The following TDRD5 variants were observed in gnomAD, a reference collection of about 807,000 sequenced individuals.
The protein encoded by TDRD5 is tudor domain-containing protein 5.
TDRD5 carries 41 observed loss-of-function variants against 120.6 expected under a neutral mutation model. The observed-to-expected ratio is 0.34, with a 90% CI of 0.26 to 0.44. The LOEUF is 0.44. Among genes scored for constraint, TDRD5 ranks in the 20% least tolerant of loss-of-function variants. The probability of loss-of-function intolerance (pLI) is 1.00; values close to 1 mark genes in which losing one functional copy is unlikely to be tolerated. For synonymous variants in TDRD5, 430 were observed against 433.7 expected (o/e 0.99, Z 0.11); for missense variants, 1,006 against 1,221.2 (o/e 0.82, Z 2.63).
intron 6 of TDRD5, among the ~76,000 whole-genome samples, 179 bp downstream of exon 6, chr1:179,621,270 A>G (rs918175222): frequency 6.6e-6 from 1 of 152,112 alleles, no homozygotes; most frequent in Non-Finnish European, 1.5e-5. Context: ...ATACTTGATT[A>G]TGCATAGGAA....
At chr1:179,654,139 A>G (rs1012463954) in intron 13 of TDRD5, 62 bp from the exon 14 acceptor site, 40 of 1,350,892 alleles carry the variant, frequency 3.0e-5, no homozygotes, top group Non-Finnish European at 3.7e-5. Context: ...ATGTATAGGC[A>G]TGTAGATTTT....
chr1:179,622,614 A>G (rs1472455266), intron 6 of TDRD5, among the ~76,000 whole-genome samples: 1 of 152,198 alleles, frequency 6.6e-6, no homozygotes, highest in Non-Finnish European at 1.5e-5. Context: ...TTATTTTCAT[A>G]ACTTAAAATA....
chr1:179,633,872 TAA>T (rs994835004), intron 7 of TDRD5, among the ~76,000 whole-genome samples: 1 of 151,662 alleles, frequency 6.6e-6, no homozygotes, highest in African/African-American at 2.4e-5. Flanking sequence ...AGTCTTTAAC[TAA>T]AGTTTAAGAA....
chr1:179,615,840 T>C (rs1390695994), intron 4 of TDRD5, among the ~76,000 whole-genome samples: 1 of 152,032 alleles, frequency 6.6e-6, no homozygotes, highest in African/African-American at 2.4e-5. Context: ...ATCATTTTGC[T>C]ATCTTAAACC....
intron 6 of TDRD5, among the ~76,000 whole-genome samples, chr1:179,627,811 TAAAG>T (rs1279789251): frequency 6.6e-6 from 1 of 152,126 alleles, no homozygotes; most frequent in Non-Finnish European, 1.5e-5. Flanking sequence ...AAATGGTAAA[TAAAG>T]AGAGCCAATC....
intron 4 of TDRD5, among the ~76,000 whole-genome samples, chr1:179,607,295 A>G (rs4504853): frequency 0.17 from 25,360 of 152,146 alleles, 2,443 homozygotes; most frequent in East Asian, 0.28. Flanking sequence ...CAACCTTGCT[A>G]TAATTGCTAA....
intron 6 of TDRD5, among the ~76,000 whole-genome samples, chr1:179,626,568 T>TGCTG (rs1313943841): frequency 3.9e-5 from 6 of 152,202 alleles, no homozygotes. Context: ...GATTTCTAGT[T>TGCTG]AATGCTGTAC....
intron 4 of TDRD5, among the ~76,000 whole-genome samples, chr1:179,608,500 T>C (rs1676109831): frequency 6.6e-6 from 1 of 152,132 alleles, no homozygotes; most frequent in Admixed American, 6.6e-5. Context: ...ATAGTTTCAA[T>C]TGCTGTCTTC....
intron 17 of TDRD5, among the ~76,000 whole-genome samples, chr1:179,687,202 A>G (rs977534553): frequency 6.6e-6 from 1 of 152,172 alleles, no homozygotes; most frequent in African/African-American, 2.4e-5. Flanking sequence ...TTCCCTCTAC[A>G]CACTGCTTTA....
chr1:179,627,499 G>T (rs897752969), intron 6 of TDRD5, among the ~76,000 whole-genome samples: 2 of 152,122 alleles, frequency 1.3e-5, no homozygotes, highest in African/African-American at 4.8e-5. Context: ...GACCATTGTT[G>T]TATAATTTGA....
At chr1:179,657,706 T>G (rs988880597) in intron 14 of TDRD5, among the ~76,000 whole-genome samples, 2 of 152,194 alleles carry the variant, frequency 1.3e-5, no homozygotes, top group African/African-American at 4.8e-5. Context: ...TTTTGTTGTT[T>G]GTGTGGATCT....
At position 179,615,675 on chromosome 1, in the gene TDRD5, C is replaced by T. The variant is rs1676528472; in HGVS notation, c.832-2924C>T. ...TCCATTCCACATTATAACTTCTGCC[C>T]TCTATAATTATAGATATCCCTAACT... On this transcript the variant is annotated intron_variant, in intron 4 of 17. Coordinates refer to ENST00000444136, the MANE Select transcript of TDRD5 (RefSeq NM_001199085.3). Among the ~76,000 whole-genome samples, 5 of 152,210 alleles carry T rather than the reference C, an allele frequency of 3.3e-5. No homozygotes were observed. The South Asian group carries it at 1.0e-3, about 32-fold the overall frequency.
At chr1:179,593,972 C>T in intron 3 of TDRD5, 105 bp downstream of exon 3, 2 of 1,416,342 alleles carry the variant, frequency 1.4e-6, no homozygotes, top group African/African-American at 1.4e-5. Context: ...TACTACTTGC[C>T]AGCTGAGTGG....
intron 16 of TDRD5, among the ~76,000 whole-genome samples, chr1:179,668,159 T>C (rs1679650117): frequency 6.6e-6 from 1 of 152,210 alleles, no homozygotes; most frequent in Non-Finnish European, 1.5e-5. Context: ...TAATTCATAA[T>C]GGTTAAAATT....
intron 17 of TDRD5, among the ~76,000 whole-genome samples, chr1:179,685,693 T>G (rs532639283): frequency 6.8e-4 from 103 of 152,320 alleles, no homozygotes; most frequent in African/African-American, 2.4e-3. Context: ...GTTCTTCCAT[T>G]TGCTTGTATC....
intron 14 of TDRD5, 60 bp downstream of exon 14, chr1:179,654,422 G>T: frequency 7.0e-7 from 1 of 1,426,146 alleles, no homozygotes; most frequent in Non-Finnish European, 9.3e-7. Flanking sequence ...GAATTCATAA[G>T]TGAAGAGGAC....
intron 17 of TDRD5, among the ~76,000 whole-genome samples, chr1:179,673,716 T>C (rs1679973167): frequency 6.6e-6 from 1 of 152,144 alleles, no homozygotes; most frequent in Admixed American, 6.5e-5. Context: ...TGCATCTATC[T>C]CAGTGGGCAG....
intron 17 of TDRD5, among the ~76,000 whole-genome samples, chr1:179,684,346 C>T (rs1196780824): frequency 6.6e-6 from 1 of 152,112 alleles, no homozygotes; most frequent in Admixed American, 6.6e-5. Context: ...TGGTTTCCAG[C>T]TTCATCCATG....
At chr1:179,666,390 A>G (rs145202260) in intron 16 of TDRD5, among the ~76,000 whole-genome samples, 2 of 152,358 alleles carry the variant, frequency 1.3e-5, no homozygotes, top group South Asian at 2.1e-4. Flanking sequence ...ACTTTAAACA[A>G]TACTACAGTG....
Sources: allele counts gnomAD v4.1 joint callset (sites outside exome capture counted in the v4.1 genomes callset), GRCh38; gene constraint gnomAD v4.1.1; transcripts MANE v1.5; gene names NCBI Gene and HGNC (gene_info 2026-07-23, HGNC 2026-07-21).